Variants in SERINC1 observed in about 807,000 individuals in gnomAD.
SERINC1 encodes tumor differentially expressed protein 2.
A neutral mutation model predicts 52.9 loss-of-function variants in SERINC1; 38 were observed. That is an observed-to-expected ratio of 0.72 (90% CI 0.55 to 0.94). The LOEUF (loss-of-function observed/expected upper bound fraction) is 0.94. SERINC1 is among the 40% of genes least tolerant of loss of function. The pLI, the probability that SERINC1 is intolerant of heterozygous loss-of-function variation, is 0.00. For synonymous variants in SERINC1, 198 were observed against 183.1 expected (o/e 1.08, Z -0.66); for missense variants, 471 against 533.9 (o/e 0.88, Z 1.16).
chr6:122,454,278 T>A, intron 3 of SERINC1, 48 bp from the exon 4 acceptor site: 2 of 939,598 alleles, frequency 2.1e-6, no homozygotes, highest in Non-Finnish European at 3.3e-6. Flanking sequence ...ATTCATCAAA[T>A]AATTTCATAT....
Position 122,458,531 on chromosome 6 carries a change from G to C in SERINC1, c.190C>G (p.Gln64Glu). Residue 64 changes from glutamine (Q) to glutamate (E), a missense_variant, in exon 2 of 10, where the codon CAA becomes GAA. Physicochemically the swap from Gln to Glu is conservative, Grantham distance 29. Coordinates refer to ENST00000339697, the MANE Select transcript of SERINC1 (RefSeq NM_020755.4). ...GAAACGAGACTAACCTTATTCAGTT[G>C]TTCTTCCATTCCTGGTATCAACATT... ...CVMLIPGMEE[Q>E]LNKIPGFCEN... The C allele has an allele frequency of 1.2e-6, 2 of 1,611,912 alleles. No homozygotes were observed. Among genetic ancestry groups the C allele is most frequent in the South Asian group, 2.2e-5 (2 of 90,894 alleles).
At chr6:122,462,489 G>A (rs929215327) in intron 1 of SERINC1, among the ~76,000 whole-genome samples, 11 of 152,106 alleles carry the variant, frequency 7.2e-5, no homozygotes, top group African/African-American at 2.7e-4. Flanking sequence ...ATACACCATG[G>A]CTCACACCTG....
chr6:122,465,188 A>G (rs187119906), intron 1 of SERINC1, among the ~76,000 whole-genome samples: 52 of 152,322 alleles, frequency 3.4e-4, no homozygotes, highest in Admixed American at 2.4e-3. Context: ...CTAAGTTATC[A>G]AAGGAAAAAG....
At chr6:122,452,596 C>G (rs1401577567) in intron 5 of SERINC1, among the ~76,000 whole-genome samples, 1 of 152,108 alleles carries the variant, frequency 6.6e-6, no homozygotes, top group Non-Finnish European at 1.5e-5. Flanking sequence ...ATGTAAATTT[C>G]AACATACACA....
At chr6:122,458,789 CTA>C (rs753162402) in intron 1 of SERINC1, 108 bp from the exon 2 acceptor site, 123 of 803,568 alleles carry the variant, frequency 1.5e-4, no homozygotes, top group Middle Eastern at 1.0e-3. Flanking sequence ...AGAAAAAAGA[CTA>C]AAAGTAATTA....
intron 1 of SERINC1, among the ~76,000 whole-genome samples, chr6:122,468,587 AAATATGTTT>A (rs140057924): frequency 0.021 from 3,234 of 152,330 alleles, 40 homozygotes; most frequent in Non-Finnish European, 0.035. Flanking sequence ...CTTTGCTTAA[AAATATGTTT>A]AAGATGCTGC....
chr6:122,471,359 G>A (rs1297067574), intron 1 of SERINC1, among the ~76,000 whole-genome samples: 1 of 151,438 alleles, frequency 6.6e-6, no homozygotes, highest in Admixed American at 6.6e-5. Flanking sequence ...GATGGCCTGC[G>A]CAGATACAAA....
At position 122,458,694 on chromosome 6, in the gene SERINC1, A is replaced by G. The variant is rs185412491; in HGVS notation, c.40-13T>C. The G allele has an allele frequency of 2.0e-5, 31 of 1,555,172 alleles. No homozygotes were observed. The highest frequency in any genetic ancestry group is 2.7e-5 in the Non-Finnish European group (31 of 1,138,132). On this transcript the variant is annotated splice_polypyrimidine_tract_variant and intron_variant, in intron 1 of 9. Transcript: ENST00000339697. Reference sequence around the variant, plus strand: ...ACAAACATGGTATCTGGGAAAAAGAATATTATTGAAAATATTATTAAGAAT... The same window carrying G: ...ACAAACATGGTATCTGGGAAAAAGAGTATTATTGAAAATATTATTAAGAAT...
chr6:122,469,188 ATT>A (rs1156842760), intron 1 of SERINC1, among the ~76,000 whole-genome samples: 1 of 152,160 alleles, frequency 6.6e-6, no homozygotes, highest in Non-Finnish European at 1.5e-5. Flanking sequence ...ATTACACATA[ATT>A]TGTCTCTTTA....
At chr6:122,464,262 A>G (rs528435147) in intron 1 of SERINC1, among the ~76,000 whole-genome samples, 2 of 152,334 alleles carry the variant, frequency 1.3e-5, no homozygotes, top group African/African-American at 4.8e-5. Flanking sequence ...TATGTAAATT[A>G]TACCTTAACT....
chr6:122,449,074 A>C (rs1400010751), intron 7 of SERINC1, among the ~76,000 whole-genome samples: 1 of 152,094 alleles, frequency 6.6e-6, no homozygotes, highest in Non-Finnish European at 1.5e-5. Context: ...TAATCGACAA[A>C]CATTGTGTGT....
intron 1 of SERINC1, among the ~76,000 whole-genome samples, chr6:122,462,348 T>G (rs1161027792): frequency 6.6e-6 from 1 of 152,092 alleles, no homozygotes; most frequent in South Asian, 2.1e-4. Flanking sequence ...GAATTCAACT[T>G]CACACTGGAG....
chr6:122,469,593 G>A (rs1436983287), intron 1 of SERINC1, among the ~76,000 whole-genome samples: 2 of 152,074 alleles, frequency 1.3e-5, no homozygotes, highest in Non-Finnish European at 2.9e-5. Flanking sequence ...GTCTTGCTCT[G>A]TTGCCCAGGC....
intron 1 of SERINC1, among the ~76,000 whole-genome samples, chr6:122,460,979 C>A (rs1403581577): frequency 6.6e-6 from 1 of 151,568 alleles, no homozygotes; most frequent in Admixed American, 6.6e-5. Context: ...TAATAATGAA[C>A]CTGAAGACAT....
chr6:122,463,089 GAT>G (rs1277726490), intron 1 of SERINC1, among the ~76,000 whole-genome samples: 3 of 152,182 alleles, frequency 2.0e-5, no homozygotes, highest in Non-Finnish European at 4.4e-5. Context: ...AAAACAGAGT[GAT>G]ATAGGGAAAA....
At position 122,444,881 on chromosome 6, in the gene SERINC1, T is replaced by C; in HGVS notation, c.*163A>G. The stretch of plus-strand genomic sequence containing the variant: ...CATTCTACTTCACATATCAATGCAC[T>C]TGGTAAGAAAATAACAAAATGACAA... On this transcript the variant is annotated 3_prime_UTR_variant, in exon 10 of 10. Transcript: ENST00000339697. 1.5e-6 allele frequency: 1 copy of C among 656,766 alleles called. No homozygotes were observed. Among genetic ancestry groups the C allele is most frequent in the South Asian group, 2.1e-5 (1 of 47,394 alleles). The allele number at this position is 656,766 out of a possible 1,614,324, so 40.7% of individuals were successfully genotyped here. A position where few individuals can be genotyped will look rare whatever the true frequency, so the allele number is the denominator to read the frequency against.
Position 122,456,476 on chromosome 6 carries a change from C to T in SERINC1, c.371+5G>A. ...TTTTATATTGAAGCTTATTTAAAAA[C>T]TTACCCATTGTGCACTGCAGCTCTA... On this transcript the variant is annotated splice_donor_5th_base_variant and intron_variant, in intron 3 of 9. Coordinates refer to ENST00000339697, the MANE Select transcript of SERINC1 (RefSeq NM_020755.4). The T allele has an allele frequency of 1.3e-6, 2 of 1,524,618 alleles. No homozygotes were observed. The highest frequency in any genetic ancestry group is 8.8e-7 in the Non-Finnish European group (1 of 1,138,684). The allele number at this position is 1,524,618 out of a possible 1,614,324, so 94.4% of individuals were successfully genotyped here.
In SERINC1 at chr6:122,458,668, C is replaced by A. The variant is rs1775045185; in HGVS notation, c.53G>T (p.Cys18Phe). The change falls in exon 2 of 10, where the codon TGT becomes TTT. Residue 18 changes from cysteine to phenylalanine, a missense_variant. By Grantham distance (205) the Cys-to-Phe change is radical. Transcript: ENST00000339697. The stretch of plus-strand genomic sequence containing the variant: ...GCATAGCAAACACGGGGCACTTCCA[C>A]ACAAACATGGTATCTGGGAAAAAGA... The part of the protein sequence containing the change: ...CSMASWIPCL[C>F]GSAPCLLCRC... 1 of 1,597,920 alleles carries A rather than the reference C, an allele frequency of 6.3e-7. No homozygotes were observed. The highest frequency in any genetic ancestry group is 8.5e-7 in the Non-Finnish European group (1 of 1,170,200).
rs1387647474 is a variant in SERINC1 at position 122,456,494 on chromosome 6, C to A, written c.358G>T (p.Ala120Ser). 4 of 1,585,974 alleles carry A rather than the reference C, an allele frequency of 2.5e-6. No homozygotes were observed. The highest frequency in any genetic ancestry group is 3.4e-6 in the Non-Finnish European group (4 of 1,169,126). ...KVKSSSDPRA[A>S]VHNGFWFFKF... is the part of the protein sequence containing the mutation. Reference sequence around the variant, plus strand: ...TTAAAAACTTACCCATTGTGCACTGCAGCTCTAGGATCACTGCTACTCTTC... The same window carrying A: ...TTAAAAACTTACCCATTGTGCACTGAAGCTCTAGGATCACTGCTACTCTTC... The change falls in exon 3 of 10, where the codon GCA (alanine) becomes TCA (serine). Residue 120 changes from alanine (A) to serine (S), a missense_variant. Coordinates refer to ENST00000339697, the MANE Select transcript of SERINC1 (RefSeq NM_020755.4).
Sources: allele counts gnomAD v4.1 joint callset (sites outside exome capture counted in the v4.1 genomes callset), GRCh38; gene constraint gnomAD v4.1.1; transcripts MANE v1.5; gene names NCBI Gene and HGNC (gene_info 2026-07-23, HGNC 2026-07-21).